The following MACROD2 variants were observed in gnomAD, a reference collection of about 807,000 sequenced individuals.
MACROD2 encodes the protein ADP-ribose glycohydrolase MACROD2.
Under a neutral mutation model 70.4 loss-of-function variants are expected in MACROD2, and 36 were observed. That is an observed-to-expected ratio of 0.51 (90% CI 0.39 to 0.68). The LOEUF (loss-of-function observed/expected upper bound fraction) is 0.68. Among genes scored for constraint, MACROD2 ranks in the 30% least tolerant of loss-of-function variants. The pLI is 0.00. For missense variants in MACROD2, 496 were observed against 538.4 expected (o/e 0.92, Z 0.78); for synonymous variants, 172 against 178.8 (o/e 0.96, Z 0.30).
chr20:14,432,975 A>C (rs1219028392), intron 3 of MACROD2, among the ~76,000 whole-genome samples: 23 of 152,148 alleles, frequency 1.5e-4, no homozygotes, highest in Admixed American at 1.4e-3. Flanking sequence ...AGAAAATAAT[A>C]ATAATAATAA....
chr20:15,750,088 T>C (rs55930983), intron 8 of MACROD2, among the ~76,000 whole-genome samples: 17,140 of 151,998 alleles, frequency 0.11, 1,098 homozygotes, highest in Admixed American at 0.14. Context: ...ATAAGATTTG[T>C]AAACTATACA....
intron 8 of MACROD2, among the ~76,000 whole-genome samples, chr20:15,579,729 C>T (rs11905928): frequency 0.019 from 2,819 of 152,306 alleles, 83 homozygotes; most frequent in African/African-American, 0.064. Context: ...TCATGGAAGT[C>T]ACCTAGTGTA....
chr20:15,488,464 GAC>G (rs1353015146), intron 7 of MACROD2, among the ~76,000 whole-genome samples: 1 of 152,156 alleles, frequency 6.6e-6, no homozygotes, highest in Non-Finnish European at 1.5e-5. Flanking sequence ...CAGCAGGGTG[GAC>G]ACACAATAAC....
At chr20:15,981,946 T>C (rs1452466820) in intron 13 of MACROD2, among the ~76,000 whole-genome samples, 1 of 152,174 alleles carries the variant, frequency 6.6e-6, no homozygotes, top group African/African-American at 2.4e-5. Flanking sequence ...TGACACATTT[T>C]ACATAAATAT....
At chr20:15,674,725 TTG>T (rs575270044) in intron 8 of MACROD2, among the ~76,000 whole-genome samples, 5 of 147,194 alleles carry the variant, frequency 3.4e-5, no homozygotes, top group African/African-American at 7.7e-5. Flanking sequence ...AAAAGTGTGT[TTG>T]TGTGTGTGTG....
chr20:14,352,115 T>G (rs1401009891), intron 3 of MACROD2, among the ~76,000 whole-genome samples: 1 of 152,196 alleles, frequency 6.6e-6, no homozygotes, highest in East Asian at 1.9e-4. Context: ...ATAAGTTGTT[T>G]AATGCAATTT....
chr20:15,714,206 G>A (rs147758277), intron 8 of MACROD2, among the ~76,000 whole-genome samples: 5 of 152,224 alleles, frequency 3.3e-5, no homozygotes, highest in Non-Finnish European at 5.9e-5. Context: ...CTTGGCAAGG[G>A]CCAACCACAG....
chr20:14,133,589 C>G (rs2054748634), intron 3 of MACROD2, among the ~76,000 whole-genome samples: 1 of 152,126 alleles, frequency 6.6e-6, no homozygotes, highest in African/African-American at 2.4e-5. Flanking sequence ...GGTACCATTT[C>G]AGATAGGTTT....
intron 5 of MACROD2, among the ~76,000 whole-genome samples, chr20:14,812,115 G>T (rs2072721021): frequency 6.6e-6 from 1 of 152,006 alleles, no homozygotes; most frequent in African/African-American, 2.4e-5. Context: ...CTACTATAAA[G>T]ACACATGCAC....
intron 6 of MACROD2, among the ~76,000 whole-genome samples, chr20:15,284,033 G>C (rs1342938710): frequency 2.0e-5 from 3 of 152,070 alleles, no homozygotes; most frequent in African/African-American, 7.2e-5. Flanking sequence ...ATATAGAATA[G>C]TTTAAAAATA....
intron 3 of MACROD2, among the ~76,000 whole-genome samples, chr20:14,469,359 C>T (rs1046544179): frequency 2.6e-5 from 4 of 152,014 alleles, no homozygotes; most frequent in African/African-American, 9.7e-5. Flanking sequence ...ATGCCCTTAA[C>T]ATTTTTTCCT....
intron 3 of MACROD2, among the ~76,000 whole-genome samples, chr20:14,208,587 G>T (rs1289502536): frequency 6.6e-6 from 1 of 152,162 alleles, no homozygotes; most frequent in Non-Finnish European, 1.5e-5. Flanking sequence ...CAGAGAGTAG[G>T]TTCCCAAACT....
intron 5 of MACROD2, among the ~76,000 whole-genome samples, chr20:14,908,999 A>G (rs2073993855): frequency 6.6e-6 from 1 of 152,228 alleles, no homozygotes; most frequent in Admixed American, 6.5e-5. Context: ...GGGTTAGACC[A>G]CTGCAGGTAT....
chr20:14,294,104 A>T (rs1414820055), intron 3 of MACROD2, among the ~76,000 whole-genome samples: 1 of 151,824 alleles, frequency 6.6e-6, no homozygotes, highest in African/African-American at 2.4e-5. Context: ...TAGTGTTTCA[A>T]CCAAACCAAA....
chr20:15,437,418 C>T (rs780669632), intron 7 of MACROD2, among the ~76,000 whole-genome samples: 3 of 152,152 alleles, frequency 2.0e-5, no homozygotes, highest in East Asian at 1.9e-4. Flanking sequence ...ACACCAAATT[C>T]GCACATACCA....
At chr20:14,876,946 G>A (rs1463051213) in intron 5 of MACROD2, among the ~76,000 whole-genome samples, 2 of 152,074 alleles carry the variant, frequency 1.3e-5, no homozygotes, top group African/African-American at 4.8e-5. Context: ...GGCTATTCAG[G>A]CTCCTTTTTG....
chr20:15,882,317 G>A (rs2064766097), intron 9 of MACROD2, among the ~76,000 whole-genome samples: 1 of 152,012 alleles, frequency 6.6e-6, no homozygotes, highest in Admixed American at 6.6e-5. Context: ...AATTTTTTGA[G>A]GAGCAATAAA....
chr20:15,662,809 A>G (rs947903217), intron 8 of MACROD2, among the ~76,000 whole-genome samples: 2 of 152,030 alleles, frequency 1.3e-5, no homozygotes, highest in Non-Finnish European at 2.9e-5. Context: ...TAAAAATATG[A>G]AAATATTGCA....
intron 6 of MACROD2, among the ~76,000 whole-genome samples, chr20:15,270,151 A>C (rs1046673306): frequency 4.7e-5 from 5 of 106,094 alleles, no homozygotes; most frequent in African/African-American, 1.9e-4. Context: ...ACACTGACAC[A>C]GCCTTTTTTT....
Sources: allele counts gnomAD v4.1 joint callset (sites outside exome capture counted in the v4.1 genomes callset), GRCh38; gene constraint gnomAD v4.1.1; transcripts MANE v1.5; gene names NCBI Gene and HGNC (gene_info 2026-07-23, HGNC 2026-07-21).